CDH13: variants seen among roughly 807,000 people sequenced by gnomAD.
The protein encoded by CDH13 is cadherin-13.
In CDH13, 24 loss-of-function variants were observed where a neutral mutation model predicts 63.8. The ratio of observed to expected loss-of-function variants is 0.38; its 90% CI spans 0.27 to 0.53. CDH13 has a LOEUF of 0.53. CDH13 is among the 20% of genes least tolerant of loss of function. The pLI, the probability that CDH13 is intolerant of heterozygous loss-of-function variation, is 0.85. For missense variants in CDH13, 1,049 were observed against 903.1 expected (o/e 1.16, Z -2.07); for synonymous variants, 503 against 355.3 (o/e 1.42, Z -4.67).
intron 4 of CDH13, chr16:83,181,215 G>C: frequency 4.7e-6 from 2 of 427,950 alleles, no homozygotes; most frequent in African/African-American, 2.0e-5. Context: ...TTTAGTATTA[G>C]GGGACTTAAT....
chr16:83,698,289 G>C (rs965084926), intron 10 of CDH13, among the ~76,000 whole-genome samples: 9 of 152,336 alleles, frequency 5.9e-5, no homozygotes, highest in African/African-American at 1.9e-4. Context: ...GAGTGCAAAT[G>C]AATGCTAATT....
chr16:82,943,359 GA>G (rs140634676), intron 2 of CDH13, among the ~76,000 whole-genome samples: 1,706 of 152,292 alleles, frequency 0.011, 51 homozygotes, highest in Admixed American at 0.012. Flanking sequence ...GATAGACTGT[GA>G]AAATCTAATT....
At chr16:82,896,611 A>C (rs1441141759) in intron 2 of CDH13, among the ~76,000 whole-genome samples, 1 of 151,668 alleles carries the variant, frequency 6.6e-6, no homozygotes, top group Non-Finnish European at 1.5e-5. Context: ...ACAGGATTAA[A>C]GTGTGAAAAA....
intron 13 of CDH13, among the ~76,000 whole-genome samples, chr16:83,783,761 C>T (rs1214824617): frequency 6.6e-6 from 1 of 152,208 alleles, no homozygotes; most frequent in Non-Finnish European, 1.5e-5. Flanking sequence ...TGCCACTCAA[C>T]TTGAGCTAAT....
intron 2 of CDH13, among the ~76,000 whole-genome samples, chr16:82,899,823 G>A (rs984572472): frequency 6.6e-6 from 1 of 152,198 alleles, no homozygotes; most frequent in African/African-American, 2.4e-5. Flanking sequence ...GGTATAATGG[G>A]ATTGAGAAGT....
At chr16:82,795,610 G>C (rs574238665) in intron 1 of CDH13, among the ~76,000 whole-genome samples, 1 of 152,138 alleles carries the variant, frequency 6.6e-6, no homozygotes, top group Non-Finnish European at 1.5e-5. Flanking sequence ...TTAAGGAGAA[G>C]CTTACACACC....
intron 3 of CDH13, among the ~76,000 whole-genome samples, chr16:83,124,590 A>G (rs929233039): frequency 1.3e-5 from 2 of 151,096 alleles, no homozygotes; most frequent in African/African-American, 2.4e-5. Flanking sequence ...TGCCGAGGCC[A>G]ATATCTGGAA....
intron 12 of CDH13, 99 bp downstream of exon 12, chr16:83,780,300 A>C: frequency 4.0e-6 from 3 of 753,228 alleles, no homozygotes; most frequent in Non-Finnish European, 4.2e-6. Context: ...AAGTATTCTC[A>C]TTTGGTTCAT....
chr16:83,545,310 G>GA (rs933396943), intron 7 of CDH13, among the ~76,000 whole-genome samples: 2 of 151,842 alleles, frequency 1.3e-5, no homozygotes, highest in African/African-American at 4.8e-5. Flanking sequence ...AATGAAGAAG[G>GA]AAAAAAAATA....
At chr16:83,539,697 G>A (rs1394560190) in intron 7 of CDH13, among the ~76,000 whole-genome samples, 2 of 152,180 alleles carry the variant, frequency 1.3e-5, no homozygotes, top group East Asian at 1.9e-4. Flanking sequence ...TCACGAAATA[G>A]GTACTGTAAT....
At chr16:82,827,365 T>A (rs962644916) in intron 1 of CDH13, among the ~76,000 whole-genome samples, 1 of 152,092 alleles carries the variant, frequency 6.6e-6, no homozygotes, top group African/African-American at 2.4e-5. Context: ...CTTTAAGGTA[T>A]GAAGGGGTCA....
intron 4 of CDH13, among the ~76,000 whole-genome samples, chr16:83,141,269 A>G (rs66604879): frequency 0.24 from 36,691 of 151,532 alleles, 4,538 homozygotes; most frequent in African/African-American, 0.29. Context: ...ATAAATCTCT[A>G]CTCCCTCACT....
intron 1 of CDH13, among the ~76,000 whole-genome samples, chr16:82,763,642 A>G (rs1462055195): frequency 6.6e-6 from 1 of 152,242 alleles, no homozygotes; most frequent in Non-Finnish European, 1.5e-5. Flanking sequence ...CTGTCTTTTC[A>G]ATAGATATAT....
intron 6 of CDH13, among the ~76,000 whole-genome samples, chr16:83,375,887 G>A (rs540156639): frequency 5.3e-5 from 8 of 152,106 alleles, no homozygotes; most frequent in Non-Finnish European, 1.2e-4. Flanking sequence ...GAAAGGGCTG[G>A]AAAGGCCATG....
In CDH13 at chr16:82,995,596, A is replaced by G. The variant is rs555761405; in HGVS notation, c.158-36414A>G. ...ACCTAGACTCTTAAATAAGGGAGAA[A>G]AAAAGTCCTTTTTGCTTTAAACTAC... On this transcript the variant is annotated intron_variant, in intron 2 of 13. Coordinates refer to ENST00000567109, the MANE Select transcript of CDH13 (RefSeq NM_001257.5). 5.3e-5 allele frequency among the ~76,000 whole-genome samples: 8 copies of G among 152,286 alleles called. No individual in the cohort carries two copies. The East Asian group carries it at 1.5e-3, about 29-fold the overall frequency.
At chr16:83,330,671 G>A (rs2090461363) in intron 5 of CDH13, among the ~76,000 whole-genome samples, 1 of 152,212 alleles carries the variant, frequency 6.6e-6, no homozygotes, top group Non-Finnish European at 1.5e-5. Context: ...CCCAGAGTGT[G>A]GGCCTGGAGC....
In CDH13 at chr16:82,705,065, C is replaced by T. The variant is rs765392562; in HGVS notation, c.45+77928C>T. 146 of 444,780 alleles carry T rather than the reference C, an allele frequency of 3.3e-4. 3 individuals carry two copies. Among genetic ancestry groups the T allele is most frequent in the Middle Eastern group, 1.7e-3 (5 of 2,964 alleles). 27.6% of individuals were successfully genotyped at this position (444,780 alleles called of 1,614,324 possible). A position where few individuals can be genotyped will look rare whatever the true frequency, so the allele number is the denominator to read the frequency against. Reference sequence around the variant, plus strand: ...TTTCTTCTTTTTATTCTTGTAGACACCAGTGAGGCCTACCATATACCTATG... The same window carrying T: ...TTTCTTCTTTTTATTCTTGTAGACATCAGTGAGGCCTACCATATACCTATG... On this transcript the variant is annotated intron_variant, in intron 1 of 13. Transcript: ENST00000567109.
chr16:83,009,994 G>A (rs1408227049), intron 2 of CDH13, among the ~76,000 whole-genome samples: 1 of 151,914 alleles, frequency 6.6e-6, no homozygotes, highest in Non-Finnish European at 1.5e-5. Context: ...AATTAGCTGG[G>A]CATGGCGGCA....
intron 5 of CDH13, among the ~76,000 whole-genome samples, chr16:83,290,426 C>G (rs545247380): frequency 4.9e-4 from 74 of 152,188 alleles, no homozygotes. Context: ...GTGAAGAAGT[C>G]TCACGAGATC....
Sources: gnomAD v4.1 joint callset for allele counts (sites outside exome capture counted in the v4.1 genomes callset) on GRCh38, gnomAD v4.1.1 for gene constraint, MANE v1.5 for transcripts, NCBI Gene and HGNC (gene_info 2026-07-23, HGNC 2026-07-21) for gene names.